The following AGPAT4 variants were observed in gnomAD, a reference collection of about 807,000 sequenced individuals.
AGPAT4 encodes 1-acylglycerol-3-phosphate O-acyltransferase 4.
AGPAT4 carries 15 observed loss-of-function variants against 48.0 expected under a neutral mutation model. The observed-to-expected ratio is 0.31, with a 90% confidence interval of 0.21 to 0.48. The LOEUF is 0.48. AGPAT4 is among the 20% of genes least tolerant of loss of function. The pLI is 0.99. For missense variants in AGPAT4, 314 were observed against 482.5 expected, an observed-to-expected ratio of 0.65 and a Z score of 3.27; for synonymous variants, 178 against 198.7, an observed-to-expected ratio of 0.90 and a Z score of 0.88.
In AGPAT4 at chr6:161,215,172, T is replaced by C. The variant is rs1236382203; in HGVS notation, c.178+16864A>G. ...AATACTATTACAAGAGTCTTCACAA[T>C]TTGGCAAGCTACATTAATGACCCTA... is the stretch of plus-strand genomic sequence containing the variant. On this transcript the variant is annotated intron_variant, in intron 2 of 8. Coordinates refer to ENST00000320285, the MANE Select transcript of AGPAT4 (RefSeq NM_020133.3). This position sits in a 1 kb window ranked among gnomAD's most constrained non-coding sequence, Gnocchi z 4.5. 6.6e-6 allele frequency among the ~76,000 whole-genome samples: 1 copy of C among 152,226 alleles called. No individual in the cohort carries two copies. Among genetic ancestry groups the C allele is most frequent in the Non-Finnish European group, 1.5e-5 (1 of 68,030 alleles).
intron 2 of AGPAT4, among the ~76,000 whole-genome samples, chr6:161,176,223 G>A (rs1301108303): frequency 6.6e-6 from 1 of 152,142 alleles, no homozygotes. Flanking sequence ...TCTGTCTAAT[G>A]TTGACAGTGG....
rs1782062993 is a variant in AGPAT4, at chr6:161,229,311, A to G, written c.178+2725T>C. Reference sequence around the variant, plus strand: ...AAGCTCAGAGTGACTCATACACCAGAAGACACAATTAAAGCCATGAACAGT... The same window carrying G: ...AAGCTCAGAGTGACTCATACACCAGGAGACACAATTAAAGCCATGAACAGT... On this transcript the variant is annotated intron_variant, in intron 2 of 8. Coordinates refer to ENST00000320285, the MANE Select transcript of AGPAT4 (RefSeq NM_020133.3). This position sits in a 1 kb window ranked among gnomAD's most constrained non-coding sequence, Gnocchi z 6.0. Among the ~76,000 whole-genome samples, 1 of 152,168 alleles carries G rather than the reference A, an allele frequency of 6.6e-6. No individual in the cohort carries two copies. Among genetic ancestry groups the G allele is most frequent in the Non-Finnish European group, 1.5e-5 (1 of 68,038 alleles).
At position 161,231,503 on chromosome 6, in the gene AGPAT4, G is replaced by T. The variant is rs571377566; in HGVS notation, c.178+533C>A. 1.8e-4 allele frequency among the ~76,000 whole-genome samples: 27 copies of T among 152,212 alleles called. No individual in the cohort carries two copies. The highest frequency in any genetic ancestry group is 6.5e-4 in the African/African-American group (27 of 41,512). ...AAGATGCTACCATAGGGAGAAACTGGCCAAGGAGTGTACAGAATTTCTCAG... is the reference window on the plus strand; with the variant it reads ...AAGATGCTACCATAGGGAGAAACTGTCCAAGGAGTGTACAGAATTTCTCAG... On this transcript the variant is annotated intron_variant, in intron 2 of 8. Transcript: ENST00000320285. The surrounding 1 kb of genome is among the most constrained non-coding windows in gnomAD (Gnocchi z 5.3).
chr6:161,182,268 CCCTCATCCCAGCA>C (rs1780621028), intron 2 of AGPAT4, among the ~76,000 whole-genome samples: 1 of 149,300 alleles, frequency 6.7e-6, no homozygotes, highest in Non-Finnish European at 1.5e-5. Context: ...TCACCCTATA[CCCTCATCCCAGCA>C]CCTCATCCCA....
chr6:161,219,946 GCAGACAGA>G lies in AGPAT4; in HGVS notation c.178+12082_178+12089del, dbSNP rs3839453. Among the ~76,000 whole-genome samples the G allele has an allele frequency of 1.4e-5, 2 of 143,766 alleles. No individual in the cohort carries two copies. The highest frequency in any genetic ancestry group is 5.5e-5 in the African/African-American group (2 of 36,408). The allele number at this position is 143,766 out of a possible 152,430, so 94.3% of individuals were successfully genotyped here. On this transcript the variant is annotated intron_variant, in intron 2 of 8. Coordinates refer to ENST00000320285, the MANE Select transcript of AGPAT4 (RefSeq NM_020133.3). This position sits in a 1 kb window ranked among gnomAD's most constrained non-coding sequence, Gnocchi z 4.9. ...GGCAGGCAGGCAGGCAGGCAGGCAGGCAGACAGACAGACAGACAGACAGGCAGGCAGAT... is the reference window on the plus strand; with the variant it reads ...GGCAGGCAGGCAGGCAGGCAGGCAGGCAGACAGACAGACAGGCAGGCAGAT...
intron 1 of AGPAT4, among the ~76,000 whole-genome samples, chr6:161,256,634 C>G (rs1399746522): frequency 1.3e-5 from 2 of 152,228 alleles, no homozygotes; most frequent in Admixed American, 1.3e-4. Context: ...CTGAAGCAGG[C>G]TCGGGAGGCA....
rs1473354551 is a variant in AGPAT4 at position 161,216,374 on chromosome 6, T to C, written c.178+15662A>G. On this transcript the variant is annotated intron_variant, in intron 2 of 8. Coordinates refer to ENST00000320285, the MANE Select transcript of AGPAT4 (RefSeq NM_020133.3). The surrounding 1 kb of genome is among the most constrained non-coding windows in gnomAD (Gnocchi z 4.8). ...CAACAAGTGCGTCTCTTGTCCAGGA[T>C]GACAGACAACCTCTGCAACTGCCTT... is the stretch of plus-strand genomic sequence containing the variant. 6.6e-6 allele frequency among the ~76,000 whole-genome samples: 1 copy of C among 152,216 alleles called. No individual in the cohort carries two copies. The highest frequency in any genetic ancestry group is 1.5e-5 in the Non-Finnish European group (1 of 68,048).
chr6:161,193,514 T>C (rs188937327), intron 2 of AGPAT4, among the ~76,000 whole-genome samples: 7 of 152,358 alleles, frequency 4.6e-5, no homozygotes, highest in Middle Eastern at 3.4e-3. Flanking sequence ...GTCACCACTT[T>C]TCAGAGACTT....
chr6:161,269,711 T>G (rs1783369122), intron 1 of AGPAT4, among the ~76,000 whole-genome samples: 1 of 152,218 alleles, frequency 6.6e-6, no homozygotes, highest in African/African-American at 2.4e-5. Context: ...TGATAGTTCT[T>G]AAGCTTCTTT....
At position 161,232,368 on chromosome 6, in the gene AGPAT4, T is replaced by G; in HGVS notation, c.-89-66A>C. ...TGTGCTTTTAGAGTCAGAAAAAAAG[T>G]GCTCTGAAAAGAAAAATATACACTT... On this transcript the variant is annotated intron_variant, in intron 1 of 8. Coordinates refer to ENST00000320285, the MANE Select transcript of AGPAT4 (RefSeq NM_020133.3). The surrounding 1 kb of genome is among the most constrained non-coding windows in gnomAD (Gnocchi z 6.8). 2 of 723,562 alleles carry G rather than the reference T, an allele frequency of 2.8e-6. No individual in the cohort carries two copies. The highest frequency in any genetic ancestry group is 4.4e-6 in the Non-Finnish European group (2 of 455,730). 44.8% of individuals were successfully genotyped at this position (723,562 alleles called of 1,614,324 possible).
rs1778859813 is a variant in AGPAT4 at position 161,130,246 on chromosome 6, C to G, written c.*6294G>C. ...AAGACTAGCATGGTTCTGTCCAATACCTTGCTCTAATTCCAATTCATTCGT... is the reference window on the plus strand; with the variant it reads ...AAGACTAGCATGGTTCTGTCCAATAGCTTGCTCTAATTCCAATTCATTCGT... On this transcript the variant is annotated 3_prime_UTR_variant, in exon 9 of 9. Coordinates refer to ENST00000320285, the MANE Select transcript of AGPAT4 (RefSeq NM_020133.3). 6.6e-6 allele frequency: 1 copy of G among 152,478 alleles called. No individual in the cohort carries two copies. 9.4% of individuals were successfully genotyped at this position (152,478 alleles called of 1,614,324 possible). A position where few individuals can be genotyped will look rare whatever the true frequency, so the allele number is the denominator to read the frequency against.
At position 161,189,485 on chromosome 6, in the gene AGPAT4, A is replaced by G. The variant is rs999107975; in HGVS notation, c.179-23068T>C. On this transcript the variant is annotated intron_variant, in intron 2 of 8. Transcript: ENST00000320285. This position sits in a 1 kb window ranked among gnomAD's most constrained non-coding sequence, Gnocchi z 5.3. ...CCACACAGTGAGTGAGGCTCGTCACATGCGGAATTCACTTACTTACAACCT... is the reference window on the plus strand; with the variant it reads ...CCACACAGTGAGTGAGGCTCGTCACGTGCGGAATTCACTTACTTACAACCT... Among the ~76,000 whole-genome samples, 1 of 152,206 alleles carries G rather than the reference A, an allele frequency of 6.6e-6. No homozygotes were observed. The highest frequency in any genetic ancestry group is 2.4e-5 in the African/African-American group (1 of 41,458).
Position 161,133,429 on chromosome 6 carries a change from GAA to G in AGPAT4, c.*3109_*3110del, listed in dbSNP as rs1364941232. 9 of 152,196 alleles carry G rather than the reference GAA, an allele frequency of 5.9e-5. No individual in the cohort carries two copies. Among genetic ancestry groups the G allele is most frequent in the African/African-American group, 1.9e-4 (8 of 41,452 alleles). The allele number at this position is 152,196 out of a possible 1,614,324, so 9.4% of individuals were successfully genotyped here. On this transcript the variant is annotated 3_prime_UTR_variant, in exon 9 of 9. Transcript: ENST00000320285. Reference sequence around the variant, plus strand: ...TTCCAGTACTACTGTGTGATCATATGAAAAAAGTTGGTTTTCTCTCTGTCAAA... The same window carrying G: ...TTCCAGTACTACTGTGTGATCATATGAAAAGTTGGTTTTCTCTCTGTCAAA...
chr6:161,194,612 A>G lies in AGPAT4; in HGVS notation c.179-28195T>C, dbSNP rs1321551041. 2.0e-5 allele frequency among the ~76,000 whole-genome samples: 3 copies of G among 149,690 alleles called. No individual in the cohort carries two copies. The East Asian group carries it at 5.8e-4, about 29-fold the overall frequency. ...TGTATGTATGTATGTGTGTCTATGTATGTGTACATGTGTGTATGTGTATGT... is the reference window on the plus strand; with the variant it reads ...TGTATGTATGTATGTGTGTCTATGTGTGTGTACATGTGTGTATGTGTATGT... On this transcript the variant is annotated intron_variant, in intron 2 of 8. Coordinates refer to ENST00000320285, the MANE Select transcript of AGPAT4 (RefSeq NM_020133.3).
chr6:161,144,975 A>G lies in AGPAT4; in HGVS notation c.843+1549T>C, dbSNP rs367908270. Among the ~76,000 whole-genome samples the G allele has an allele frequency of 6.6e-6, 1 of 150,586 alleles. No homozygotes were observed. Among genetic ancestry groups the G allele is most frequent in the African/African-American group, 2.5e-5 (1 of 39,974 alleles). On this transcript the variant is annotated intron_variant, in intron 7 of 8. Coordinates refer to ENST00000320285, the MANE Select transcript of AGPAT4 (RefSeq NM_020133.3). The surrounding 1 kb of genome is among the most constrained non-coding windows in gnomAD (Gnocchi z 6.6). ...CAGCCTGGGAGACAGAGTGAAACTC[A>G]GTCTCAAAAAAAAAAAATAAAAAAA... is the stretch of plus-strand genomic sequence containing the variant.
rs1482210064 is a variant in AGPAT4, at chr6:161,197,191, T to C, written c.179-30774A>G. Reference sequence around the variant, plus strand: ...AAAAAAATGAGATAAACCAATGCTTTTCCCTTTGGCCTTCTCCGAACGTTG... The same window carrying C: ...AAAAAAATGAGATAAACCAATGCTTCTCCCTTTGGCCTTCTCCGAACGTTG... On this transcript the variant is annotated intron_variant, in intron 2 of 8. Transcript: ENST00000320285. This position sits in a 1 kb window ranked among gnomAD's most constrained non-coding sequence, Gnocchi z 5.7. 3.3e-5 allele frequency among the ~76,000 whole-genome samples: 5 copies of C among 152,246 alleles called. No homozygotes were observed. Among genetic ancestry groups the C allele is most frequent in the Middle Eastern group, 6.8e-3 (2 of 294 alleles).
At chr6:161,136,992 C>T (rs1037240528) in intron 8 of AGPAT4, among the ~76,000 whole-genome samples, 1 of 152,198 alleles carries the variant, frequency 6.6e-6, no homozygotes, top group Admixed American at 6.5e-5. Flanking sequence ...AGGAAGTTAA[C>T]AGGGCATGTT....
chr6:161,154,137 G>A lies in AGPAT4; in HGVS notation c.510+12C>T, dbSNP rs373360789. On this transcript the variant is annotated intron_variant, in intron 4 of 8. Transcript: ENST00000320285. This position sits in a 1 kb window ranked among gnomAD's most constrained non-coding sequence, Gnocchi z 7.8. ...GAGCCCTTGGGACACAGCTGCTCTGGTGCCTACATACAAAATACTTCTCGG... is the reference window on the plus strand; with the variant it reads ...GAGCCCTTGGGACACAGCTGCTCTGATGCCTACATACAAAATACTTCTCGG... 7 of 1,614,046 alleles carry A rather than the reference G, an allele frequency of 4.3e-6. No homozygotes were observed. Among genetic ancestry groups the A allele is most frequent in the Non-Finnish European group, 5.9e-6 (7 of 1,180,020 alleles).
At chr6:161,256,750 A>G (rs1053833462) in intron 1 of AGPAT4, among the ~76,000 whole-genome samples, 10 of 152,260 alleles carry the variant, frequency 6.6e-5, no homozygotes, top group African/African-American at 2.2e-4. Flanking sequence ...AGCTTCATTA[A>G]TTAATGAAAT....
Sources: allele counts gnomAD v4.1 joint callset (sites outside exome capture counted in the v4.1 genomes callset), GRCh38; gene constraint gnomAD v4.1.1; non-coding constraint Gnocchi (gnomAD v3.1); transcripts MANE v1.5; gene names NCBI Gene and HGNC (gene_info 2026-07-23, HGNC 2026-07-21).